The following WDR70 variants were observed in gnomAD, a reference collection of about 807,000 sequenced individuals.
WDR70 encodes WD repeat domain 70.
A neutral mutation model predicts 88.6 loss-of-function variants in WDR70; 53 were observed. The ratio of observed to expected loss-of-function variants is 0.60; its 90% CI spans 0.48 to 0.75. The LOEUF is 0.75. WDR70 is among the 30% of genes least tolerant of loss of function. The pLI is 0.00. For missense variants in WDR70, 610 were observed against 823.2 expected, an observed-to-expected ratio of 0.74 and a Z score of 3.17; for synonymous variants, 280 against 270.0, an observed-to-expected ratio of 1.04 and a Z score of -0.36.
intron 9 of WDR70, among the ~76,000 whole-genome samples, chr5:37,552,023 C>T (rs1021942435): frequency 2.6e-5 from 4 of 151,988 alleles, no homozygotes; most frequent in Non-Finnish European, 1.5e-5. Flanking sequence ...CCAGCTGCTT[C>T]GACCTCCCAA....
intron 9 of WDR70, among the ~76,000 whole-genome samples, chr5:37,555,752 T>G (rs889030582): frequency 1.3e-5 from 2 of 152,134 alleles, no homozygotes; most frequent in Non-Finnish European, 2.9e-5. Flanking sequence ...GGAGTCTTGC[T>G]CTGTTGCCCA....
intron 10 of WDR70, among the ~76,000 whole-genome samples, chr5:37,663,175 A>G (rs1745746675): frequency 1.3e-5 from 2 of 152,180 alleles, no homozygotes; most frequent in Non-Finnish European, 2.9e-5. Context: ...AGTGATTTTA[A>G]AAAGGGAAAA....
intron 13 of WDR70, among the ~76,000 whole-genome samples, chr5:37,707,946 AAAATATATATATATATATATATATATAT>A (rs1175193877): frequency 3.5e-4 from 7 of 20,004 alleles, no homozygotes; most frequent in African/African-American, 1.4e-3. Flanking sequence ...AAAAAAAAAA[AAAATATATATATATATATATATATATAT>A]ATATATATAT....
intron 10 of WDR70, among the ~76,000 whole-genome samples, chr5:37,643,376 G>A (rs979796105): frequency 4.0e-5 from 6 of 151,874 alleles, no homozygotes; most frequent in East Asian, 3.9e-4. Context: ...TTGCTATTTC[G>A]GTTACTGTAC....
intron 14 of WDR70, chr5:37,721,443 G>A: frequency 1.8e-6 from 1 of 557,572 alleles, no homozygotes; most frequent in Non-Finnish European, 3.2e-6. Flanking sequence ...CTGGGAATTT[G>A]CAGTTGTTTA....
intron 5 of WDR70, among the ~76,000 whole-genome samples, chr5:37,414,160 A>G (rs999565581): frequency 3.0e-4 from 46 of 151,666 alleles, no homozygotes; most frequent in African/African-American, 9.7e-4. Context: ...AAAAAAAAAA[A>G]AAAGAAAATA....
chr5:37,522,243 C>T (rs866837568), intron 9 of WDR70, among the ~76,000 whole-genome samples: 7 of 151,722 alleles, frequency 4.6e-5, no homozygotes, highest in African/African-American at 9.7e-5. Flanking sequence ...GAGGCTGAGG[C>T]GGGCGGATCA....
At chr5:37,496,026 C>T (rs1019112624) in intron 8 of WDR70, among the ~76,000 whole-genome samples, 2 of 152,180 alleles carry the variant, frequency 1.3e-5, no homozygotes, top group African/African-American at 4.8e-5. Flanking sequence ...GAGGTGAAGC[C>T]AGCTGGACTT....
chr5:37,418,815 G>A (rs1010276593), intron 5 of WDR70, among the ~76,000 whole-genome samples: 3 of 151,804 alleles, frequency 2.0e-5, no homozygotes, highest in Non-Finnish European at 4.4e-5. Context: ...CTGGAGTGCC[G>A]TGGTGTGATC....
At chr5:37,658,806 C>T (rs1296834480) in intron 10 of WDR70, among the ~76,000 whole-genome samples, 1 of 152,216 alleles carries the variant, frequency 6.6e-6, no homozygotes, top group East Asian at 1.9e-4. Context: ...GATGGGCTAA[C>T]ATCCTTCCCT....
At chr5:37,429,907 T>G (rs1315887867) in intron 5 of WDR70, among the ~76,000 whole-genome samples, 1 of 152,212 alleles carries the variant, frequency 6.6e-6, no homozygotes, top group Non-Finnish European at 1.5e-5. Flanking sequence ...TTGGTTGAGA[T>G]TGTATTGAAT....
At chr5:37,380,003 G>A (rs1360121113) in intron 2 of WDR70, among the ~76,000 whole-genome samples, 2 of 152,022 alleles carry the variant, frequency 1.3e-5, no homozygotes, top group African/African-American at 2.4e-5. Context: ...CTTGTTCCAG[G>A]TTATACCAAA....
At chr5:37,404,903 A>T (rs1329107062) in intron 5 of WDR70, among the ~76,000 whole-genome samples, 1 of 152,102 alleles carries the variant, frequency 6.6e-6, no homozygotes, top group Non-Finnish European at 1.5e-5. Context: ...TAATTATCAC[A>T]TTAGTACTTA....
At chr5:37,518,489 G>T (rs1480022301) in intron 9 of WDR70, among the ~76,000 whole-genome samples, 1 of 152,058 alleles carries the variant, frequency 6.6e-6, no homozygotes, top group Non-Finnish European at 1.5e-5. Flanking sequence ...TTCATTTAAT[G>T]TAATGATCTC....
At chr5:37,541,848 G>T (rs1214347294) in intron 9 of WDR70, among the ~76,000 whole-genome samples, 1 of 152,124 alleles carries the variant, frequency 6.6e-6, no homozygotes. Context: ...AAATCAAATT[G>T]AATATAACTT....
chr5:37,579,154 C>T (rs1248573124), intron 9 of WDR70, among the ~76,000 whole-genome samples: 1 of 152,114 alleles, frequency 6.6e-6, no homozygotes, highest in Non-Finnish European at 1.5e-5. Context: ...ATCTCCAGCA[C>T]TTAGAGCAGT....
chr5:37,702,455 C>A (rs1747192495), intron 12 of WDR70, among the ~76,000 whole-genome samples: 1 of 152,188 alleles, frequency 6.6e-6, no homozygotes, highest in Admixed American at 6.5e-5. Context: ...TGGCTCATTT[C>A]ATGGTGCTCA....
chr5:37,553,452 T>A (rs1308920108), intron 9 of WDR70, among the ~76,000 whole-genome samples: 1 of 152,168 alleles, frequency 6.6e-6, no homozygotes, highest in Non-Finnish European at 1.5e-5. Flanking sequence ...ATGTTAAGAT[T>A]TTTTTGGCAT....
At chr5:37,387,242 T>C (rs1245654684) in intron 3 of WDR70, among the ~76,000 whole-genome samples, 1 of 152,166 alleles carries the variant, frequency 6.6e-6, no homozygotes, top group East Asian at 1.9e-4. Flanking sequence ...CATAATCCTG[T>C]TGTGTGTGTA....
Sources: gnomAD v4.1 joint callset for allele counts (sites outside exome capture counted in the v4.1 genomes callset) on GRCh38, gnomAD v4.1.1 for gene constraint, MANE v1.5 for transcripts, NCBI Gene and HGNC (gene_info 2026-07-23, HGNC 2026-07-21) for gene names.